POFUT3: variants seen among roughly 807,000 people sequenced by gnomAD.
The protein encoded by POFUT3 is protein O-fucosyltransferase 3, also known as GDP-fucose protein O-fucosyltransferase 3.
the POFUT3 span, among the ~76,000 whole-genome samples, chr8:33,470,236 C>CAAAAAAAA: frequency 9.2e-4 from 82 of 89,056 alleles, 8 homozygotes; most frequent in African/African-American, 2.6e-3. Flanking sequence ...CCCATCTCTA[C>CAAAAAAAA]AAAAAAAAAA....
At chr8:33,431,100 C>T in the POFUT3 span, among the ~76,000 whole-genome samples, 1 of 152,074 alleles carries the variant, frequency 6.6e-6, no homozygotes, top group South Asian at 2.1e-4. Context: ...TCAAAGTCAT[C>T]CCTCCTGGAT....
the POFUT3 span, among the ~76,000 whole-genome samples, chr8:33,347,122 G>A: frequency 4.6e-5 from 7 of 151,826 alleles, no homozygotes; most frequent in East Asian, 3.9e-4. Flanking sequence ...GTCACCATCC[G>A]CACAAAAACA....
the POFUT3 span, among the ~76,000 whole-genome samples, chr8:33,445,305 C>A: frequency 6.6e-6 from 1 of 151,974 alleles, no homozygotes; most frequent in African/African-American, 2.4e-5. Flanking sequence ...TTGCCACTTC[C>A]CAAAAAAGTC....
At chr8:33,421,863 T>A in the POFUT3 span, among the ~76,000 whole-genome samples, 1 of 151,970 alleles carries the variant, frequency 6.6e-6, no homozygotes, top group Non-Finnish European at 1.5e-5. Context: ...GATTATAGAA[T>A]CTAAATCATT....
the POFUT3 span, among the ~76,000 whole-genome samples, chr8:33,416,483 G>A: frequency 9.9e-5 from 15 of 151,474 alleles, 1 homozygote; most frequent in African/African-American, 2.2e-4. Flanking sequence ...AGGCCAAGGC[G>A]GGAGGATCAC....
At chr8:33,390,028 C>T in the POFUT3 span, among the ~76,000 whole-genome samples, 5 of 152,106 alleles carry the variant, frequency 3.3e-5, no homozygotes, top group African/African-American at 1.2e-4. Context: ...AACCCTGTCT[C>T]TGCTAAAAAT....
At chr8:33,397,360 G>A in the POFUT3 span, among the ~76,000 whole-genome samples, 22 of 152,112 alleles carry the variant, frequency 1.4e-4, no homozygotes, top group Non-Finnish European at 2.9e-4. Flanking sequence ...CTGAGGCTCC[G>A]CTCTTGGGGG....
At chr8:33,380,152 A>ATATATATATAC in the POFUT3 span, among the ~76,000 whole-genome samples, 1 of 50,938 alleles carries the variant, frequency 2.0e-5, no homozygotes, top group African/African-American at 1.2e-4. Context: ...TATATACACT[A>ATATATATATAC]TATATATATA....
chr8:33,425,741 G>A, the POFUT3 span, among the ~76,000 whole-genome samples: 97 of 141,082 alleles, frequency 6.9e-4, no homozygotes, highest in African/African-American at 2.5e-3. Context: ...GGCCAACATG[G>A]TGAAACCCCT....
chr8:33,309,594 G>A, the POFUT3 span, among the ~76,000 whole-genome samples: 1 of 152,074 alleles, frequency 6.6e-6, no homozygotes, highest in Admixed American at 6.6e-5. Context: ...CCTCATCCAT[G>A]CAGTCAGATG....
At chr8:33,331,117 A>G in the POFUT3 span, among the ~76,000 whole-genome samples, 36 of 152,078 alleles carry the variant, frequency 2.4e-4, no homozygotes, top group Non-Finnish European at 4.4e-4. Flanking sequence ...AGGCAGGTGG[A>G]TCACCTGAGG....
the POFUT3 span, among the ~76,000 whole-genome samples, chr8:33,416,472 G>C: frequency 6.6e-6 from 1 of 152,076 alleles, no homozygotes; most frequent in African/African-American, 2.4e-5. Context: ...AGCGCTCTGG[G>C]AGGCCAAGGC....
At chr8:33,329,209 G>GA in the POFUT3 span, among the ~76,000 whole-genome samples, 1 of 152,082 alleles carries the variant, frequency 6.6e-6, no homozygotes, top group African/African-American at 2.4e-5. Context: ...GGAGTCACAT[G>GA]AAAAATATTT....
chr8:33,409,314 G>A, the POFUT3 span, among the ~76,000 whole-genome samples: 1 of 151,972 alleles, frequency 6.6e-6, no homozygotes, highest in Admixed American at 6.6e-5. Flanking sequence ...TGTTGGCCAG[G>A]CTTGTCTCGA....
chr8:33,436,200 G>A, the POFUT3 span: 62 of 1,279,654 alleles, frequency 4.8e-5, no homozygotes, highest in Non-Finnish European at 5.4e-5. Flanking sequence ...GCACCAAGCC[G>A]AGAACGTCCC....
chr8:33,435,792 A>G, the POFUT3 span, among the ~76,000 whole-genome samples: 1 of 152,134 alleles, frequency 6.6e-6, no homozygotes, highest in South Asian at 2.1e-4. Context: ...CTGGAATTAC[A>G]AACCTGAGCC....
chr8:33,334,379 G>A, the POFUT3 span, among the ~76,000 whole-genome samples: 2 of 152,026 alleles, frequency 1.3e-5, no homozygotes, highest in Non-Finnish European at 2.9e-5. Flanking sequence ...CACCACACTC[G>A]GCTAAGTTTT....
chr8:33,468,267 G>A, the POFUT3 span, among the ~76,000 whole-genome samples: 4 of 149,826 alleles, frequency 2.7e-5, no homozygotes, highest in Admixed American at 2.0e-4. Flanking sequence ...AGAAGAAGAA[G>A]AAGAAGAACC....
At chr8:33,318,328 A>G in the POFUT3 span, among the ~76,000 whole-genome samples, 1 of 151,092 alleles carries the variant, frequency 6.6e-6, no homozygotes. Flanking sequence ...CAGGCTAGAA[A>G]TAAATATTTA....
Sources: gnomAD v4.1 joint callset for allele counts (sites outside exome capture counted in the v4.1 genomes callset) on GRCh38, gnomAD v4.1.1 for gene constraint, MANE v1.5 for transcripts, NCBI Gene and HGNC (gene_info 2026-07-23, HGNC 2026-07-21) for gene names.